SPATA6: variants seen among roughly 807,000 people sequenced by gnomAD.
The protein encoded by SPATA6 is spermatogenesis associated 6.
In SPATA6, 56 loss-of-function variants were observed where a neutral mutation model predicts 65.3. The ratio of observed to expected loss-of-function variants is 0.86; its 90% confidence interval spans 0.69 to 1.07. The LOEUF is 1.07. Among genes scored for constraint, SPATA6 ranks in the 50% least tolerant of loss-of-function variants. SPATA6 has a pLI of 0.00. For synonymous variants in SPATA6, 199 were observed against 213.2 expected, an observed-to-expected ratio of 0.93 and a Z score of 0.58; for missense variants, 590 against 594.8, an observed-to-expected ratio of 0.99 and a Z score of 0.08.
At position 48,407,227 on chromosome 1, in the gene SPATA6, G is replaced by A. The variant is rs560294748; in HGVS notation, c.406-3345C>T. Among the ~76,000 whole-genome samples the A allele has an allele frequency of 3.9e-5, 6 of 152,214 alleles. No individual in the cohort carries two copies. In the South Asian group the frequency reaches 1.2e-3, roughly 32 times the overall value. ...ATAGATTAGGAAATCATTCAAAATT[G>A]CAGCCAGGACTCCAGTCTCCCTTGG... On this transcript the variant is annotated intron_variant, in intron 5 of 12. Transcript: ENST00000371847.
At chr1:48,349,471 C>A (rs927066462) in intron 11 of SPATA6, among the ~76,000 whole-genome samples, 4 of 151,904 alleles carry the variant, frequency 2.6e-5, no homozygotes, top group Non-Finnish European at 5.9e-5. Flanking sequence ...TTATGATAGT[C>A]ATTACATCCT....
the SPATA6 span, chr1:48,262,734 A>G: frequency 6.6e-6 from 1 of 152,172 alleles, no homozygotes; most frequent in African/African-American, 2.4e-5. Flanking sequence ...ATACAAAAAT[A>G]TTAGCAAGTT....
At chr1:48,412,251 T>C (rs1652316919) in intron 4 of SPATA6, among the ~76,000 whole-genome samples, 1 of 152,346 alleles carries the variant, frequency 6.6e-6, no homozygotes, top group East Asian at 1.9e-4. Flanking sequence ...AACTAGCCTC[T>C]ATATTTTAAC....
chr1:48,404,371 T>G (rs528267318), intron 5 of SPATA6, among the ~76,000 whole-genome samples: 1 of 152,244 alleles, frequency 6.6e-6, no homozygotes, highest in Non-Finnish European at 1.5e-5. Context: ...TTAATTTTTT[T>G]TCTTAGAGAC....
Position 48,472,179 on chromosome 1 carries a change from A to C in SPATA6, c.-171T>G. On this transcript the variant is annotated 5_prime_UTR_variant, in exon 1 of 13. Transcript: ENST00000371847. ...CTGGGTTCCGCCGGAGAAGCAGCTGAGCGCGGGGCGCAGACTCGTTGTCAT... is the reference window on the plus strand; with the variant it reads ...CTGGGTTCCGCCGGAGAAGCAGCTGCGCGCGGGGCGCAGACTCGTTGTCAT... 1 of 542,526 alleles carries C rather than the reference A, an allele frequency of 1.8e-6. No homozygotes were observed. The highest frequency in any genetic ancestry group is 3.2e-6 in the Non-Finnish European group (1 of 317,458). 33.6% of individuals were successfully genotyped at this position (542,526 alleles called of 1,614,324 possible).
chr1:48,272,767 C>G, the SPATA6 span, among the ~76,000 whole-genome samples: 1 of 152,056 alleles, frequency 6.6e-6, no homozygotes, highest in African/African-American at 2.4e-5. Context: ...ATACTGATTT[C>G]CATAACGGCT....
At chr1:48,346,879 A>C (rs2148781501) in intron 11 of SPATA6, among the ~76,000 whole-genome samples, 1 of 152,244 alleles carries the variant, frequency 6.6e-6, no homozygotes, top group South Asian at 2.1e-4. Flanking sequence ...ATATCCTTAA[A>C]ATGGCCATAC....
At chr1:48,341,960 T>C (rs917688495) in intron 11 of SPATA6, among the ~76,000 whole-genome samples, 2 of 152,222 alleles carry the variant, frequency 1.3e-5, no homozygotes, top group African/African-American at 4.8e-5. Context: ...ACTGTGTACA[T>C]GTTCACCAAA....
At chr1:48,321,426 G>C (rs1404893792) in intron 11 of SPATA6, among the ~76,000 whole-genome samples, 3 of 152,014 alleles carry the variant, frequency 2.0e-5, no homozygotes, top group Admixed American at 6.6e-5. Flanking sequence ...TATAAAAAGA[G>C]ACAAGTTCAC....
At position 48,421,788 on chromosome 1, in the gene SPATA6, T is replaced by C. The variant is rs369740240; in HGVS notation, c.239-8637A>G. Among the ~76,000 whole-genome samples the C allele has an allele frequency of 3.3e-5, 5 of 152,178 alleles. No homozygotes were observed. In the East Asian group the frequency reaches 5.8e-4, roughly 18 times the overall value. On this transcript the variant is annotated intron_variant, in intron 3 of 12. Transcript: ENST00000371847. ...CAGAAATATACAGCAAATATACACA[T>C]ACACACAGTCCCCAAAACATTAGTA...
the SPATA6 span, among the ~76,000 whole-genome samples, chr1:48,281,753 T>A: frequency 2.0e-5 from 3 of 152,082 alleles, no homozygotes; most frequent in South Asian, 6.2e-4. Context: ...AAAATGGCCA[T>A]ACTGCCCAAG....
intron 3 of SPATA6, chr1:48,435,840 G>C: frequency 3.8e-6 from 4 of 1,044,396 alleles, no homozygotes; most frequent in East Asian, 4.8e-5. Context: ...CTGGCAGCCT[G>C]AAGAGAGTCG....
chr1:48,304,789 C>A (rs887865781), intron 12 of SPATA6, among the ~76,000 whole-genome samples: 2 of 152,176 alleles, frequency 1.3e-5, no homozygotes, highest in Admixed American at 6.5e-5. Context: ...CAGTTCTTCT[C>A]ACTTCTTGCC....
At chr1:48,267,622 G>A in the SPATA6 span, among the ~76,000 whole-genome samples, 7 of 152,040 alleles carry the variant, frequency 4.6e-5, no homozygotes, top group East Asian at 1.9e-4. Context: ...GTCTACAGGC[G>A]TCTGTTCCTC....
At chr1:48,376,655 T>C (rs1156907783) in intron 9 of SPATA6, among the ~76,000 whole-genome samples, 3 of 152,146 alleles carry the variant, frequency 2.0e-5, no homozygotes, top group African/African-American at 4.8e-5. Flanking sequence ...TGTGTTCTCA[T>C]TGTTAAGTAT....
At chr1:48,436,347 T>C in intron 3 of SPATA6, 1 of 1,612,312 alleles carries the variant, frequency 6.2e-7, no homozygotes. Flanking sequence ...CAGTTTTCAC[T>C]GTTGGCAGCT....
chr1:48,283,193 G>A, the SPATA6 span, among the ~76,000 whole-genome samples: 1 of 106,390 alleles, frequency 9.4e-6, no homozygotes, highest in African/African-American at 3.9e-5. Context: ...TGGGGTGGGG[G>A]GAGGGGGGAG....
At chr1:48,359,530 C>T (rs1330638944) in intron 10 of SPATA6, 56 bp downstream of exon 10, 2 of 1,545,602 alleles carry the variant, frequency 1.3e-6, no homozygotes, top group Non-Finnish European at 1.8e-6. Context: ...GCTGCTTCCC[C>T]TTCTAATACT....
chr1:48,355,608 A>T, intron 11 of SPATA6, 62 bp downstream of exon 11: 1 of 1,177,416 alleles, frequency 8.5e-7, no homozygotes, highest in Non-Finnish European at 1.2e-6. Flanking sequence ...AGCTTTAGGC[A>T]TCTTTGGTGG....
Sources: allele counts gnomAD v4.1 joint callset (sites outside exome capture counted in the v4.1 genomes callset), GRCh38; gene constraint gnomAD v4.1.1; transcripts MANE v1.5; gene names NCBI Gene and HGNC (gene_info 2026-07-23, HGNC 2026-07-21).